AKAP9: variants seen among roughly 807,000 people sequenced by gnomAD.
AKAP9 encodes the protein A-kinase anchor protein 9.
In AKAP9, 311 loss-of-function variants were observed where a neutral mutation model predicts 488.5. The observed-to-expected ratio is 0.64, with a 90% CI of 0.58 to 0.70. AKAP9 has a LOEUF of 0.70. AKAP9 is among the 30% of genes least tolerant of loss of function. The probability of loss-of-function intolerance (pLI) is 0.00; values close to 1 mark genes in which losing one functional copy is unlikely to be tolerated. For missense variants in AKAP9, 4,215 were observed against 4,374.5 expected (o/e 0.96, Z 1.03); for synonymous variants, 1,462 against 1,483.5 (o/e 0.99, Z 0.33).
chr7:92,109,747 T>C (rs1007378206), intron 49 of AKAP9, among the ~76,000 whole-genome samples: 9 of 152,116 alleles, frequency 5.9e-5, no homozygotes, highest in Non-Finnish European at 1.3e-4. Flanking sequence ...ACCAACCAGT[T>C]CGAGACTAGC....
rs1412681888 is a variant in AKAP9, at chr7:92,061,382, G to A, written c.5724G>A (p.Arg1908=). 2.5e-6 allele frequency: 4 copies of A among 1,612,628 alleles called. No individual in the cohort carries two copies. In the African/African-American group the frequency reaches 5.4e-5, roughly 22 times the overall value. The part of the protein sequence containing the change: ...ELRERLHEES[R]AREQLAVELS... Reference sequence around the variant, plus strand: ...GAGAGCGCCTTCATGAGGAGTCCAGGGCCAGAGAACAGCTAGCTGTGGAGC... The same window carrying A: ...GAGAGCGCCTTCATGAGGAGTCCAGAGCCAGAGAACAGCTAGCTGTGGAGC... The change falls in exon 23 of 50, where the codon AGG becomes AGA. Residue 1908 remains arginine, a synonymous_variant. Transcript: ENST00000356239.
Position 92,022,289 on chromosome 7 carries a change from C to T in AKAP9, c.3889C>T (p.Leu1297Phe), listed in dbSNP as rs756463554. ...GAAACTTGAATTTGGAGAAGAAAAC[C>T]TTCCAAAAGAGGAAACAGAGTTTTT... The part of the protein sequence containing the change: ...GMKLEFGEEN[L>F]PKEETEFLSI... Residue 1297 changes from leucine to phenylalanine, a missense_variant, in exon 13 of 50, where the codon CTT becomes TTT. Leu to Phe is a conservative substitution (Grantham distance 22). This residue lies in a region of AKAP9 where 2,361 missense variants were observed against 2,430.0 expected (regional missense o/e 0.97). Transcript: ENST00000356239. 3.7e-6 allele frequency: 6 copies of T among 1,613,696 alleles called. No individual in the cohort carries two copies. Among genetic ancestry groups the T allele is most frequent in the Non-Finnish European group, 5.1e-6 (6 of 1,179,738 alleles).
chr7:92,096,543 G>A, intron 40 of AKAP9, 146 bp from the exon 41 acceptor site: 3 of 826,750 alleles, frequency 3.6e-6, no homozygotes, highest in Non-Finnish European at 3.7e-6. Flanking sequence ...CACCATGTTG[G>A]CCAGGCTGGG....
At chr7:92,013,208 G>A (rs1801021049) in intron 9 of AKAP9, among the ~76,000 whole-genome samples, 2 of 151,384 alleles carry the variant, frequency 1.3e-5, no homozygotes, top group South Asian at 4.2e-4. Context: ...AGCCGGGATG[G>A]TCTCGATCTC....
At chr7:91,992,801 C>T in intron 4 of AKAP9, 84 bp from the exon 5 acceptor site, 1 of 1,324,682 alleles carries the variant, frequency 7.5e-7, no homozygotes, top group Non-Finnish European at 1.1e-6. Context: ...TAAAGTGGAC[C>T]TTGCTATGGA....
chr7:91,965,710 T>C (rs1457224164), intron 1 of AKAP9, among the ~76,000 whole-genome samples: 3 of 152,234 alleles, frequency 2.0e-5, no homozygotes, highest in African/African-American at 7.2e-5. Flanking sequence ...CCTGTCTTTT[T>C]GATGAAAGTC....
intron 12 of AKAP9, 128 bp downstream of exon 12, chr7:92,017,230 C>A (rs1026403311): frequency 1.9e-4 from 142 of 743,672 alleles, no homozygotes; most frequent in Admixed American, 7.3e-4. Context: ...GGAAAAGTGA[C>A]ATATATTTGT....
intron 21 of AKAP9, among the ~76,000 whole-genome samples, chr7:92,046,722 G>T (rs1414269005): frequency 1.3e-5 from 2 of 152,160 alleles, no homozygotes; most frequent in Non-Finnish European, 2.9e-5. Context: ...TTATAGAGAA[G>T]AATTAGGTAA....
At chr7:91,978,932 ATTTTTTTTTTTTTTT>A in intron 2 of AKAP9, among the ~76,000 whole-genome samples, 1 of 90,352 alleles carries the variant, frequency 1.1e-5, no homozygotes, top group East Asian at 3.7e-4. Flanking sequence ...TAGTTTTTGT[ATTTTTTTTTTTTTTT>A]TTTTTTTTTT....
At chr7:91,993,603 T>C (rs762970606) in intron 5 of AKAP9, among the ~76,000 whole-genome samples, 2 of 152,146 alleles carry the variant, frequency 1.3e-5, no homozygotes, top group Non-Finnish European at 2.9e-5. Flanking sequence ...TCTTAAAAAA[T>C]CAAACAGAAA....
intron 29 of AKAP9, 48 bp downstream of exon 29, chr7:92,077,055 G>T: frequency 3.6e-6 from 3 of 827,924 alleles, no homozygotes; most frequent in Non-Finnish European, 5.2e-6. Flanking sequence ...CATAGTTTCA[G>T]TCCTATATTG....
At chr7:92,086,157 A>G in intron 36 of AKAP9, 71 bp from the exon 37 acceptor site, 1 of 1,253,958 alleles carries the variant, frequency 8.0e-7, no homozygotes, top group Non-Finnish European at 1.1e-6. Flanking sequence ...TTCTTTGTAG[A>G]TTAATATTTT....
At chr7:91,971,811 C>T (rs1242780182) in intron 1 of AKAP9, among the ~76,000 whole-genome samples, 1 of 151,398 alleles carries the variant, frequency 6.6e-6, no homozygotes, top group Non-Finnish European at 1.5e-5. Context: ...CCTCGTGATC[C>T]TCCCGCCTCG....
Position 92,042,783 on chromosome 7 carries a change from G to T in AKAP9, c.5162+12G>T, listed in dbSNP as rs766060653. The T allele has an allele frequency of 1.3e-6, 2 of 1,561,012 alleles. No homozygotes were observed. The highest frequency in any genetic ancestry group is 2.3e-5 in the East Asian group (1 of 44,310). On this transcript the variant is annotated intron_variant, in intron 20 of 49. Coordinates refer to ENST00000356239, the MANE Select transcript of AKAP9 (RefSeq NM_005751.5). The stretch of plus-strand genomic sequence containing the variant: ...TTGTCTAATGAAAGGTATACAAAAT[G>T]TGTACTTTTTCAGTGCAAAGTAAAT...
At chr7:91,952,420 G>T (rs1792374070) in intron 1 of AKAP9, among the ~76,000 whole-genome samples, 1 of 152,100 alleles carries the variant, frequency 6.6e-6, no homozygotes. Flanking sequence ...ATACACAATG[G>T]GTAATATAAT....
In AKAP9 at chr7:92,016,184, A is replaced by G; in HGVS notation, c.3668A>G (p.Asn1223Ser). Reference sequence around the variant, plus strand: ...ACTCCTGCTTTAAAATGTGAAGTAAATGCAGAAGACAAAGAGAATTCTGGT... The same window carrying G: ...ACTCCTGCTTTAAAATGTGAAGTAAGTGCAGAAGACAAAGAGAATTCTGGT... ...YYTPALKCEVNAEDKENSGDY... is the reference protein window; with the variant it reads ...YYTPALKCEVSAEDKENSGDY... The change falls in exon 11 of 50, where the codon AAT becomes AGT. Residue 1223 changes from asparagine (N) to serine (S), a missense_variant. By Grantham distance (46) the Asn-to-Ser change is conservative. Coordinates refer to ENST00000356239, the MANE Select transcript of AKAP9 (RefSeq NM_005751.5). 1 of 1,597,238 alleles carries G rather than the reference A, an allele frequency of 6.3e-7. No homozygotes were observed. Among genetic ancestry groups the G allele is most frequent in the Non-Finnish European group, 8.6e-7 (1 of 1,165,442 alleles).
intron 3 of AKAP9, among the ~76,000 whole-genome samples, chr7:91,986,942 G>T (rs1797171286): frequency 6.6e-6 from 1 of 151,326 alleles, no homozygotes; most frequent in Admixed American, 6.6e-5. Context: ...AATTATATAT[G>T]AATAAATATA....
chr7:92,050,802 A>G (rs967233298), intron 21 of AKAP9, among the ~76,000 whole-genome samples: 2 of 152,020 alleles, frequency 1.3e-5, no homozygotes, highest in Non-Finnish European at 2.9e-5. Flanking sequence ...TCCCATTAAC[A>G]CTTCAGACTA....
At position 92,097,261 on chromosome 7, in the gene AKAP9, G is replaced by C. The variant is rs750572296; in HGVS notation, c.10302G>C (p.Gln3434His). 1.2e-6 allele frequency: 2 copies of C among 1,613,816 alleles called. No individual in the cohort carries two copies. Residue 3434 changes from glutamine to histidine, a missense_variant, in exon 41 of 50, where the codon CAG (glutamine) becomes CAC (histidine). This residue lies in a region of AKAP9 where 1,476 missense variants were observed against 1,477.4 expected (regional missense o/e 1.00). Transcript: ENST00000356239. ...TTTATAAGTTAGACCTTGAAGGACA[G>C]CGACTACAAGGAATCATGCAGGAAT... is the stretch of plus-strand genomic sequence containing the variant. ...QQVYKLDLEG[Q>H]RLQGIMQEFQ...
Sources: allele counts gnomAD v4.1 joint callset (sites outside exome capture counted in the v4.1 genomes callset), GRCh38; gene constraint gnomAD v4.1.1; regional missense constraint gnomAD v4.1.1; transcripts MANE v1.5; gene names NCBI Gene and HGNC (gene_info 2026-07-23, HGNC 2026-07-21).